The following WNT9B variants were observed in gnomAD, a reference collection of about 807,000 sequenced individuals.
The protein encoded by WNT9B is Wnt family member 9B, also known as protein Wnt-9b.
WNT9B carries 12 observed loss-of-function variants against 30.2 expected under a neutral mutation model. The ratio of observed to expected loss-of-function variants is 0.40; its 90% CI spans 0.26 to 0.64. WNT9B has a LOEUF of 0.64. WNT9B is among the 30% of genes least tolerant of loss of function. WNT9B has a pLI of 0.42. For synonymous variants in WNT9B, 218 were observed against 216.9 expected, an observed-to-expected ratio of 1.01 and a Z score of -0.05; for missense variants, 442 against 485.2, an observed-to-expected ratio of 0.91 and a Z score of 0.84.
chr17:46,859,400 AATG>A (rs1331288759), intron 1 of WNT9B, among the ~76,000 whole-genome samples: 1 of 152,174 alleles, frequency 6.6e-6, no homozygotes, highest in Non-Finnish European at 1.5e-5. Flanking sequence ...CATTTGTTGA[AATG>A]ATGATGTTTT....
At chr17:46,873,086 TCACACA>T (rs61118325) in intron 2 of WNT9B, among the ~76,000 whole-genome samples, 12,480 of 139,776 alleles carry the variant, frequency 0.089, 640 homozygotes, top group African/African-American at 0.13. Context: ...CTCTGCCTCT[TCACACA>T]CACACACACA....
intron 1 of WNT9B, among the ~76,000 whole-genome samples, chr17:46,839,918 TTCTTTCTTTCTTTCTTTC>T (rs1568113549): frequency 6.6e-5 from 5 of 76,170 alleles, no homozygotes; most frequent in Non-Finnish European, 1.1e-4. Context: ...TCTCTTTTCT[TTCTTTCTTTCTTTCTTTC>T]TTTCTTTCTT....
In WNT9B at chr17:46,877,953, T is replaced by G. The variant is rs2085371082; in HGVS notation, c.*1235T>G. 6.6e-6 allele frequency among the ~76,000 whole-genome samples: 1 copy of G among 152,196 alleles called. No individual in the cohort carries two copies. Among genetic ancestry groups the G allele is most frequent in the Admixed American group, 6.5e-5 (1 of 15,290 alleles). On this transcript the variant is annotated 3_prime_UTR_variant, in exon 4 of 4. Coordinates refer to ENST00000290015, the MANE Select transcript of WNT9B (RefSeq NM_003396.3). Reference sequence around the variant, plus strand: ...GAGGAGGAGACGTGACTTTGATAATTTCCTCAGATCCTGTGGACATTTTCA... The same window carrying G: ...GAGGAGGAGACGTGACTTTGATAATGTCCTCAGATCCTGTGGACATTTTCA...
At chr17:46,837,533 G>A (rs1314618226) in intron 1 of WNT9B, among the ~76,000 whole-genome samples, 8 of 152,146 alleles carry the variant, frequency 5.3e-5, no homozygotes, top group South Asian at 2.1e-4. Flanking sequence ...TGCCACCCTC[G>A]TTTTACAAAT....
chr17:46,842,986 A>G (rs2084733708), intron 1 of WNT9B, among the ~76,000 whole-genome samples: 1 of 152,230 alleles, frequency 6.6e-6, no homozygotes, highest in Non-Finnish European at 1.5e-5. Context: ...GTTAGGACCC[A>G]GGGTTCTCTC....
chr17:46,883,080 G>A (rs1469463818), downstream of WNT9B, among the ~76,000 whole-genome samples: 3 of 151,922 alleles, frequency 2.0e-5, no homozygotes, highest in African/African-American at 7.3e-5. Context: ...CCAGGTTCAT[G>A]CCATTCTCCT....
intron 1 of WNT9B, among the ~76,000 whole-genome samples, chr17:46,844,320 T>C (rs2084749135): frequency 6.7e-6 from 1 of 149,620 alleles, no homozygotes; most frequent in African/African-American, 2.5e-5. Context: ...TTTTTTTTTT[T>C]TTTTTGATAA....
chr17:46,849,857 T>G (rs552086035), upstream of WNT9B, among the ~76,000 whole-genome samples: 130 of 151,812 alleles, frequency 8.6e-4, 2 homozygotes, highest in South Asian at 6.1e-3. Context: ...ATCTTTTTTT[T>G]TTTGTTTTGA....
chr17:46,839,286 G>A (rs924744151), intron 1 of WNT9B, among the ~76,000 whole-genome samples: 6 of 152,208 alleles, frequency 3.9e-5, no homozygotes, highest in Admixed American at 2.0e-4. Context: ...GTGGCCATGC[G>A]ACCCAGCATA....
chr17:46,859,835 CTTTCTA>C (rs1231345870), intron 1 of WNT9B, among the ~76,000 whole-genome samples: 1 of 152,146 alleles, frequency 6.6e-6, no homozygotes, highest in Non-Finnish European at 1.5e-5. Context: ...CAGGCCATAT[CTTTCTA>C]TTTAGAGCTT....
chr17:46,856,936 A>G, intron 1 of WNT9B, among the ~76,000 whole-genome samples: 1 of 152,112 alleles, frequency 6.6e-6, no homozygotes, highest in Non-Finnish European at 1.5e-5. Flanking sequence ...CCACCAGCCC[A>G]TGGCTACTCC....
intron 1 of WNT9B, chr17:46,833,478 G>A (rs779161016): frequency 1.4e-5 from 7 of 483,106 alleles, no homozygotes; most frequent in South Asian, 6.0e-5. Context: ...AACCCACCCC[G>A]ACTCCCCATC....
chr17:46,875,084 CT>C lies in WNT9B; in HGVS notation c.335-16del, dbSNP rs767904765. 1 of 1,613,438 alleles carries C rather than the reference CT, an allele frequency of 6.2e-7. No homozygotes were observed. The highest frequency in any genetic ancestry group is 8.5e-7 in the Non-Finnish European group (1 of 1,180,032). ...CCCCCTTTCCTCCCTCCCTATGCCCCTGGGTGCCCGATCCAGGCTTCAAAGA... is the reference window on the plus strand; with the variant it reads ...CCCCCTTTCCTCCCTCCCTATGCCCCGGGTGCCCGATCCAGGCTTCAAAGA... On this transcript the variant is annotated splice_polypyrimidine_tract_variant and intron_variant, in intron 2 of 3. Transcript: ENST00000290015.
At chr17:46,854,446 A>G (rs2084906939) in intron 1 of WNT9B, among the ~76,000 whole-genome samples, 1 of 152,216 alleles carries the variant, frequency 6.6e-6, no homozygotes. Flanking sequence ...ATAGAATCGT[A>G]GACTTCAGAG....
chr17:46,854,290 C>T (rs1480855381), intron 1 of WNT9B, among the ~76,000 whole-genome samples: 1 of 152,228 alleles, frequency 6.6e-6, no homozygotes, highest in Non-Finnish European at 1.5e-5. Context: ...GTCATCTACA[C>T]TGTAGTGGGA....
intron 1 of WNT9B, among the ~76,000 whole-genome samples, chr17:46,855,018 C>A (rs2084915900): frequency 6.6e-6 from 1 of 152,144 alleles, no homozygotes; most frequent in South Asian, 2.1e-4. Context: ...TTCTCCAGAG[C>A]CATGTAGGAT....
intron 1 of WNT9B, among the ~76,000 whole-genome samples, chr17:46,868,010 C>A (rs1299814875): frequency 6.6e-6 from 1 of 152,068 alleles, no homozygotes; most frequent in Non-Finnish European, 1.5e-5. Context: ...CCGCTGTTCA[C>A]CTGGGGTCAT....
Position 46,865,555 on chromosome 17 carries a change from C to T in WNT9B, c.78-6962C>T, listed in dbSNP as rs958293516. Among the ~76,000 whole-genome samples, 7 of 152,078 alleles carry T rather than the reference C, an allele frequency of 4.6e-5. No homozygotes were observed. In the East Asian group the frequency reaches 1.2e-3, roughly 25 times the overall value. ...CAGGAGTAGGGGTTGGGGAGCCAGACAGGAGGAACGAGTGGTTTTGAGGTC... is the reference window on the plus strand; with the variant it reads ...CAGGAGTAGGGGTTGGGGAGCCAGATAGGAGGAACGAGTGGTTTTGAGGTC... On this transcript the variant is annotated intron_variant, in intron 1 of 3. Transcript: ENST00000290015.
At chr17:46,835,211 ATTCTTTTTT>A (rs1317313939) in intron 1 of WNT9B, among the ~76,000 whole-genome samples, 19 of 151,198 alleles carry the variant, frequency 1.3e-4, no homozygotes, top group Admixed American at 5.9e-4. Flanking sequence ...GTTGTCCCTT[ATTCTTTTTT>A]TTCTTTTTTG....
Sources: gnomAD v4.1 joint callset for allele counts (sites outside exome capture counted in the v4.1 genomes callset) on GRCh38, gnomAD v4.1.1 for gene constraint, MANE v1.5 for transcripts, NCBI Gene and HGNC (gene_info 2026-07-23, HGNC 2026-07-21) for gene names.